IKBKB: variants seen among roughly 807,000 people sequenced by gnomAD.
IKBKB encodes inhibitor of nuclear factor kappa B kinase subunit beta, also known as inhibitor of nuclear factor kappa-B kinase subunit beta.
In IKBKB, 42 loss-of-function variants were observed where a neutral mutation model predicts 113.6. The ratio of observed to expected loss-of-function variants is 0.37; its 90% CI spans 0.29 to 0.48. The LOEUF is 0.48. Among genes scored for constraint, IKBKB ranks in the 20% least tolerant of loss-of-function variants. The pLI is 0.99. For missense variants in IKBKB, 673 were observed against 939.7 expected, an observed-to-expected ratio of 0.72 and a Z score of 3.71; for synonymous variants, 296 against 361.3, an observed-to-expected ratio of 0.82 and a Z score of 2.05.
chr8:42,278,640 G>C (rs529435657), intron 2 of IKBKB, among the ~76,000 whole-genome samples: 2 of 152,252 alleles, frequency 1.3e-5, no homozygotes, highest in East Asian at 3.9e-4. Flanking sequence ...AGTGATGCAG[G>C]CAGACCAGGT....
At chr8:42,275,643 G>A (rs969560212) in intron 2 of IKBKB, among the ~76,000 whole-genome samples, 2 of 152,154 alleles carry the variant, frequency 1.3e-5, no homozygotes, top group African/African-American at 2.4e-5. Context: ...CTGAATAAGA[G>A]TACATTGTGT....
chr8:42,281,498 G>A (rs1433628157), intron 2 of IKBKB, among the ~76,000 whole-genome samples: 1 of 152,212 alleles, frequency 6.6e-6, no homozygotes, highest in Admixed American at 6.5e-5. Flanking sequence ...CCGAGTGCCT[G>A]GCTTCTGTGG....
chr8:42,273,626 A>T (rs1411601070), intron 2 of IKBKB, among the ~76,000 whole-genome samples: 4 of 151,788 alleles, frequency 2.6e-5, no homozygotes, highest in Non-Finnish European at 5.9e-5. Context: ...GGCTTGTCTC[A>T]AACTCTCATC....
intron 5 of IKBKB, among the ~76,000 whole-genome samples, chr8:42,295,470 C>T (rs1813576612): frequency 6.6e-6 from 1 of 152,122 alleles, no homozygotes; most frequent in Admixed American, 6.5e-5. Flanking sequence ...CTCACGCCTG[C>T]AATCCCAGCA....
At position 42,331,183 on chromosome 8, in the gene IKBKB, C is replaced by A; in HGVS notation, c.*204C>A. On this transcript the variant is annotated 3_prime_UTR_variant, in exon 22 of 22. Transcript: ENST00000520810. ...GATGGAGCTCTCGCTTCCTCAGCAGCTGTGACTTTCACCCAGGACCCAGGA... is the reference window on the plus strand; with the variant it reads ...GATGGAGCTCTCGCTTCCTCAGCAGATGTGACTTTCACCCAGGACCCAGGA... 1 of 830,472 alleles carries A rather than the reference C, an allele frequency of 1.2e-6. No individual in the cohort carries two copies. The highest frequency in any genetic ancestry group is 2.0e-6 in the Non-Finnish European group (1 of 503,912). 51.4% of individuals were successfully genotyped at this position (830,472 alleles called of 1,614,324 possible). A position where few individuals can be genotyped will look rare whatever the true frequency, so the allele number is the denominator to read the frequency against.
intron 21 of IKBKB, 118 bp from the exon 22 acceptor site, chr8:42,330,796 C>G: frequency 6.5e-7 from 1 of 1,540,872 alleles, no homozygotes; most frequent in Non-Finnish European, 8.8e-7. Flanking sequence ...GCATGAGCCA[C>G]TGTGCCTGGC....
chr8:42,279,759 G>C lies in IKBKB; in HGVS notation c.105+7554G>C, dbSNP rs368309663. Among the ~76,000 whole-genome samples the C allele has an allele frequency of 8.0e-5, 12 of 150,594 alleles. No individual in the cohort carries two copies. In the East Asian group the frequency reaches 2.0e-3, roughly 25 times the overall value. ...TGGCTTCTCTGTGGTGAGGACTCAG[G>C]GGGAGGCCTTGGTGTTCCTTAGGCT... On this transcript the variant is annotated intron_variant, in intron 2 of 21. Coordinates refer to ENST00000520810, the MANE Select transcript of IKBKB (RefSeq NM_001556.3).
rs533675152 is a variant in IKBKB, at chr8:42,290,473, C to T, written c.318+200C>T. ...TGTGTGTGTGAGTCAGAGGCGCTTC[C>T]GAGAACACCAGGGAAGGGGTAAGGG... On this transcript the variant is annotated intron_variant, in intron 4 of 21. Transcript: ENST00000520810. Among the ~76,000 whole-genome samples the T allele has an allele frequency of 7.9e-5, 12 of 152,244 alleles. No homozygotes were observed. In the South Asian group the frequency reaches 1.7e-3, roughly 21 times the overall value.
rs1585480187 is a variant in IKBKB, at chr8:42,271,475, T to C, written c.-19+6T>C. The C allele has an allele frequency of 8.3e-6, 10 of 1,200,486 alleles. No homozygotes were observed. The highest frequency in any genetic ancestry group is 1.0e-5 in the Non-Finnish European group (9 of 860,104). The allele number at this position is 1,200,486 out of a possible 1,614,324, so 74.4% of individuals were successfully genotyped here. On this transcript the variant is annotated splice_donor_region_variant and intron_variant, in intron 1 of 21. Transcript: ENST00000520810. ...CCCCGCGTCCCTGCCGACAGGTGAG[T>C]CCCCCTCGTGGGTGCGGCCCGGGTG...
chr8:42,292,124 C>T (rs1812772057), intron 4 of IKBKB, among the ~76,000 whole-genome samples: 1 of 152,102 alleles, frequency 6.6e-6, no homozygotes, highest in Admixed American at 6.6e-5. Flanking sequence ...AACAGCACTT[C>T]GATTTTCTCC....
rs59970761 is a variant in IKBKB, at chr8:42,328,247, C to CTT, written c.2115-857_2115-856dup. Among the ~76,000 whole-genome samples, 134 of 132,492 alleles carry CTT rather than the reference C, an allele frequency of 1.0e-3. 2 individuals carry two copies. The South Asian group carries it at 0.016, about 16-fold the overall frequency. The allele number at this position is 132,492 out of a possible 152,430, so 86.9% of individuals were successfully genotyped here. A position where few individuals can be genotyped will look rare whatever the true frequency, so the allele number is the denominator to read the frequency against. ...CAGGCGTGAGCCACCGCACCCGGCC[C>CTT]TTTTTTTTTTTTTTTTTTTTTAAAT... On this transcript the variant is annotated intron_variant, in intron 20 of 21. Coordinates refer to ENST00000520810, the MANE Select transcript of IKBKB (RefSeq NM_001556.3).
chr8:42,284,556 T>C (rs1266126051), intron 2 of IKBKB, among the ~76,000 whole-genome samples: 1 of 145,670 alleles, frequency 6.9e-6, no homozygotes, highest in Non-Finnish European at 1.5e-5. Flanking sequence ...CACTCCAGCC[T>C]GGGCAACAAA....
intron 13 of IKBKB, 68 bp from the exon 14 acceptor site, chr8:42,319,202 G>A: frequency 4.1e-6 from 6 of 1,456,938 alleles, no homozygotes; most frequent in Non-Finnish European, 3.8e-6. Flanking sequence ...AGGGGGTTTT[G>A]TTATTGTACA....
At chr8:42,313,733 A>G (rs558798583) in intron 8 of IKBKB, among the ~76,000 whole-genome samples, 1 of 152,230 alleles carries the variant, frequency 6.6e-6, no homozygotes, top group Non-Finnish European at 1.5e-5. Context: ...CAGTGGTACT[A>G]TCTGCAGAAC....
intron 2 of IKBKB, among the ~76,000 whole-genome samples, chr8:42,283,336 C>T (rs1396028755): frequency 6.6e-6 from 1 of 152,080 alleles, no homozygotes; most frequent in African/African-American, 2.4e-5. Context: ...GATCCTAATC[C>T]CTGAACCTAT....
intron 5 of IKBKB, 193 bp downstream of exon 5, chr8:42,293,705 A>G: frequency 1.3e-6 from 1 of 784,896 alleles, no homozygotes; most frequent in Non-Finnish European, 2.0e-6. Context: ...TGCTGAACTC[A>G]AATAGGTTTC....
In IKBKB at chr8:42,271,305, A is replaced by T; in HGVS notation, c.-183A>T. On this transcript the variant is annotated 5_prime_UTR_variant, in exon 1 of 22. Transcript: ENST00000520810. ...GCGGCCGCGGCCAACGTGCTCCGTGACGTCAGAGCAGGAAGTGTTTGAGGA... is the reference window on the plus strand; with the variant it reads ...GCGGCCGCGGCCAACGTGCTCCGTGTCGTCAGAGCAGGAAGTGTTTGAGGA... 2 of 889,184 alleles carry T rather than the reference A, an allele frequency of 2.2e-6. No homozygotes were observed. The highest frequency in any genetic ancestry group is 5.3e-5 in the East Asian group (2 of 37,708). 55.1% of individuals were successfully genotyped at this position (889,184 alleles called of 1,614,324 possible). A position where few individuals can be genotyped will look rare whatever the true frequency, so the allele number is the denominator to read the frequency against.
chr8:42,303,134 A>AAT (rs1815743715), intron 5 of IKBKB, among the ~76,000 whole-genome samples: 8 of 148,090 alleles, frequency 5.4e-5, no homozygotes, highest in Non-Finnish European at 5.9e-5. Flanking sequence ...AGAGAGAGAG[A>AAT]GAGGAGAGAG....
At chr8:42,289,575 G>T (rs1812144849) in intron 3 of IKBKB, among the ~76,000 whole-genome samples, 1 of 152,144 alleles carries the variant, frequency 6.6e-6, no homozygotes, top group South Asian at 2.1e-4. Context: ...CGTGAGGTGG[G>T]CTCCGAAAGA....
Sources: allele counts gnomAD v4.1 joint callset (sites outside exome capture counted in the v4.1 genomes callset), GRCh38; gene constraint gnomAD v4.1.1; transcripts MANE v1.5; gene names NCBI Gene and HGNC (gene_info 2026-07-23, HGNC 2026-07-21).